The following FAM110A variants were observed in gnomAD, a reference collection of about 807,000 sequenced individuals.
FAM110A encodes family with sequence similarity 110 member A, also known as protein FAM110A.
FAM110A carries 1 observed loss-of-function variant against 4.0 expected under a neutral mutation model. The ratio of observed to expected loss-of-function variants is 0.25; its 90% confidence interval spans 0.09 to 1.20. The LOEUF (loss-of-function observed/expected upper bound fraction) is 1.20, where lower values mean the gene tolerates loss of function less well. FAM110A is among the 50% of genes most tolerant of loss of function. The pLI, the probability that FAM110A is intolerant of heterozygous loss-of-function variation, is 0.50. For synonymous variants in FAM110A, 217 were observed against 196.8 expected (o/e 1.10, Z -0.86); for missense variants, 436 against 429.2 (o/e 1.02, Z -0.14).
At chr20:838,342 A>G (rs1244097617) in intron 1 of FAM110A, among the ~76,000 whole-genome samples, 1 of 152,134 alleles carries the variant, frequency 6.6e-6, no homozygotes, top group East Asian at 1.9e-4. Context: ...AGCTTTATAC[A>G]TTTAATATAT....
At chr20:844,675 C>CTTTTT in intron 1 of FAM110A, 33 bp from the exon 2 acceptor site, 1 of 1,125,054 alleles carries the variant, frequency 8.9e-7, no homozygotes, top group South Asian at 3.0e-5. Context: ...GCGCGCTCGG[C>CTTTTT]TTTTTTTTTT....
At position 845,235 on chromosome 20, in the gene FAM110A, C is replaced by A. The variant is rs578036924; in HGVS notation, c.431C>A (p.Pro144Gln). ...CCTCCCCCAGCCACCCCTCCGCGAC[C>A]GCCGCCCAGTACCTCTGCGGTCCGC... ...GRPPPATPPR[P>Q]PPSTSAVRRV... Residue 144 changes from proline (P) to glutamine (Q), a missense_variant, in exon 2 of 2, where the codon CCG becomes CAG. By Grantham distance (76) the Pro-to-Gln change is moderately conservative (BLOSUM62 -1). Transcript: ENST00000381941. 5.2e-6 allele frequency: 8 copies of A among 1,532,890 alleles called. No individual in the cohort carries two copies. In the East Asian group the frequency reaches 1.5e-4, roughly 29 times the overall value. 95.0% of individuals were successfully genotyped at this position (1,532,890 alleles called of 1,614,324 possible). A position where few individuals can be genotyped will look rare whatever the true frequency, so the allele number is the denominator to read the frequency against.
intron 1 of FAM110A, among the ~76,000 whole-genome samples, chr20:842,909 T>G (rs1600013139): frequency 6.6e-6 from 1 of 152,162 alleles, no homozygotes; most frequent in East Asian, 1.9e-4. Flanking sequence ...TCAATAAATT[T>G]TTATTGAATA....
In FAM110A at chr20:834,635, AG is replaced by A. The variant is rs903226780; in HGVS notation, c.-98+686del. Among the ~76,000 whole-genome samples, 1 of 152,132 alleles carries A rather than the reference AG, an allele frequency of 6.6e-6. No individual in the cohort carries two copies. The highest frequency in any genetic ancestry group is 6.5e-5 in the Admixed American group (1 of 15,280). On this transcript the variant is annotated intron_variant, in intron 1 of 1. Coordinates refer to ENST00000381941, the MANE Select transcript of FAM110A (RefSeq NM_001042353.3). The surrounding 1 kb of genome is among the most constrained non-coding windows in gnomAD (Gnocchi z 5.6). ...CTCCTGGGGACACCCCCTGCCCCCT[AG>A]GTTGCTATTGTCAGTCTCCTTTTGT... is the stretch of plus-strand genomic sequence containing the variant.
In FAM110A at chr20:844,743, G is replaced by A; in HGVS notation, c.-62G>A. The stretch of plus-strand genomic sequence containing the variant: ...TGTCCAGCTGCCTACTTTCTGCCCG[G>A]ATCTCTGGCTCCTCATCTCTCCGGT... On this transcript the variant is annotated 5_prime_UTR_variant, in exon 2 of 2. Transcript: ENST00000381941. The A allele has an allele frequency of 7.4e-7, 1 of 1,358,490 alleles. No individual in the cohort carries two copies. Among genetic ancestry groups the A allele is most frequent in the Non-Finnish European group, 9.4e-7 (1 of 1,060,608 alleles). 84.2% of individuals were successfully genotyped at this position (1,358,490 alleles called of 1,614,324 possible).
chr20:842,988 C>T (rs910071383), intron 1 of FAM110A, among the ~76,000 whole-genome samples: 33 of 151,842 alleles, frequency 2.2e-4, no homozygotes, highest in African/African-American at 7.8e-4. Flanking sequence ...AGCCAACCCC[C>T]GCCCCTACAC....
chr20:843,943 C>T (rs1443985507), intron 1 of FAM110A, among the ~76,000 whole-genome samples: 4 of 152,230 alleles, frequency 2.6e-5, no homozygotes, highest in Admixed American at 1.3e-4. Flanking sequence ...GATGTTTCCA[C>T]GTGACAGGCA....
rs1411191260 is a variant in FAM110A, at chr20:840,684, A to G, written c.-97-4024A>G. On this transcript the variant is annotated intron_variant, in intron 1 of 1. Coordinates refer to ENST00000381941, the MANE Select transcript of FAM110A (RefSeq NM_001042353.3). This position sits in a 1 kb window ranked among gnomAD's most constrained non-coding sequence, Gnocchi z 4.4. ...CAGAGGGATGGACTCTACACGTGAC[A>G]GCATGGAGCACCAGGAGGGTCCCGC... Among the ~76,000 whole-genome samples the G allele has an allele frequency of 6.6e-6, 1 of 152,224 alleles. No homozygotes were observed. Among genetic ancestry groups the G allele is most frequent in the Non-Finnish European group, 1.5e-5 (1 of 68,040 alleles).
At chr20:839,438 T>C (rs1050823143) in intron 1 of FAM110A, 1 of 710,904 alleles carries the variant, frequency 1.4e-6, no homozygotes, top group Non-Finnish European at 2.6e-6. Context: ...GAAATAATCC[T>C]CTCCAATTTT....
Position 845,762 on chromosome 20 carries a change from C to A in FAM110A, c.*70C>A. The A allele has an allele frequency of 6.3e-7, 1 of 1,589,258 alleles. No individual in the cohort carries two copies. The highest frequency in any genetic ancestry group is 1.1e-5 in the South Asian group (1 of 87,492). ...GCAAGTGGTCCCTGGACCTCTCTTGCATCCATTCTCTAGACGGCCGTGTCA... is the reference window on the plus strand; with the variant it reads ...GCAAGTGGTCCCTGGACCTCTCTTGAATCCATTCTCTAGACGGCCGTGTCA... On this transcript the variant is annotated 3_prime_UTR_variant, in exon 2 of 2. Transcript: ENST00000381941.
Position 836,444 on chromosome 20 carries a change from A to C in FAM110A, c.-98+2493A>C, listed in dbSNP as rs192918962. ...ACTTTGGGTACCTCTAGGTATTATA[A>C]ATGGAATCATAACAGTATTTGTCTT... On this transcript the variant is annotated intron_variant, in intron 1 of 1. Transcript: ENST00000381941. Among the ~76,000 whole-genome samples, 368 of 152,326 alleles carry C rather than the reference A, an allele frequency of 2.4e-3. 1 individual carries two copies. Among genetic ancestry groups the C allele is most frequent in the African/African-American group, 8.6e-3 (358 of 41,570 alleles).
chr20:844,651 G>T, intron 1 of FAM110A, 57 bp from the exon 2 acceptor site: 1 of 1,245,282 alleles, frequency 8.0e-7, no homozygotes, highest in Non-Finnish European at 1.0e-6. Context: ...CCGCGGCTGA[G>T]CCTCTTTGTC....
At chr20:839,392 G>A (rs567324278) in intron 1 of FAM110A, 4 of 580,930 alleles carry the variant, frequency 6.9e-6, no homozygotes, top group South Asian at 4.5e-5. Flanking sequence ...GATGAGATTT[G>A]TTCTTTTCTT....
chr20:841,350 G>C lies in FAM110A; in HGVS notation c.-97-3358G>C, dbSNP rs796465055. ...GGACCGCGGCGGGGGGCGCCCAGCCGGGGTAGGGGGCGGCCCGAGCACCCC... is the reference window on the plus strand; with the variant it reads ...GGACCGCGGCGGGGGGCGCCCAGCCCGGGTAGGGGGCGGCCCGAGCACCCC... On this transcript the variant is annotated intron_variant, in intron 1 of 1. Transcript: ENST00000381941. 11 of 152,522 alleles carry C rather than the reference G, an allele frequency of 7.2e-5. 1 individual carries two copies. The highest frequency in any genetic ancestry group is 2.6e-4 in the African/African-American group (11 of 41,556). 9.4% of individuals were successfully genotyped at this position (152,522 alleles called of 1,614,324 possible). A position where few individuals can be genotyped will look rare whatever the true frequency, so the allele number is the denominator to read the frequency against.
chr20:844,676 T>G (rs75434277), intron 1 of FAM110A, 32 bp from the exon 2 acceptor site: 2 of 274,558 alleles, frequency 7.3e-6, no homozygotes, highest in Non-Finnish European at 5.0e-6. Flanking sequence ...CGCGCTCGGC[T>G]TTTTTTTTTT....
rs1238738079 is a variant in FAM110A, at chr20:845,104, C to T, written c.300C>T (p.Pro100=). The part of the protein sequence containing the change: ...RRALPGPCRR[P]QLDLDILSSL... Reference sequence around the variant, plus strand: ...CCCTGCCTGGCCCCTGCCGACGGCCCCAGCTGGACCTGGACATCCTCAGCA... The same window carrying T: ...CCCTGCCTGGCCCCTGCCGACGGCCTCAGCTGGACCTGGACATCCTCAGCA... The change falls in exon 2 of 2, where the codon CCC becomes CCT. Residue 100 remains proline (P), a synonymous_variant. Transcript: ENST00000381941. 1.3e-6 allele frequency: 2 copies of T among 1,593,966 alleles called. No homozygotes were observed. Among genetic ancestry groups the T allele is most frequent in the Non-Finnish European group, 1.7e-6 (2 of 1,171,568 alleles).
chr20:841,517 C>A (rs984357489), intron 1 of FAM110A, among the ~76,000 whole-genome samples: 1 of 152,192 alleles, frequency 6.6e-6, no homozygotes, highest in Non-Finnish European at 1.5e-5. Context: ...TGCTAGCCGA[C>A]CCCCCATCCC....
Position 844,689 on chromosome 20 carries a change from T to TC in FAM110A, c.-97-18dup, listed in dbSNP as rs1555788322. On this transcript the variant is annotated intron_variant, in intron 1 of 1. Coordinates refer to ENST00000381941, the MANE Select transcript of FAM110A (RefSeq NM_001042353.3). ...AGCGCGCTCGGCTTTTTTTTTTTTT[T>TC]CTCTCTCCTTCCCTGCAGCAGTGGC... The TC allele has an allele frequency of 1.1e-5, 14 of 1,283,316 alleles. No homozygotes were observed. Among genetic ancestry groups the TC allele is most frequent in the African/African-American group, 3.2e-5 (2 of 63,286 alleles). 79.5% of individuals were successfully genotyped at this position (1,283,316 alleles called of 1,614,324 possible).
At chr20:839,707 G>A in intron 1 of FAM110A, 2 of 1,264,036 alleles carry the variant, frequency 1.6e-6, no homozygotes, top group Non-Finnish European at 1.2e-6. Flanking sequence ...AGGGTGGCAG[G>A]AACAATCTCT....
Sources: gnomAD v4.1 joint callset for allele counts (sites outside exome capture counted in the v4.1 genomes callset) on GRCh38, gnomAD v4.1.1 for gene constraint, Gnocchi (gnomAD v3.1) non-coding constraint, MANE v1.5 for transcripts, NCBI Gene and HGNC (gene_info 2026-07-23, HGNC 2026-07-21) for gene names.